Variants in MN1 observed in about 807,000 individuals in gnomAD.
MN1 encodes MN1 proto-oncogene, transcriptional regulator.
Under a neutral mutation model 86.9 loss-of-function variants are expected in MN1, and 19 were observed. That is an observed-to-expected ratio of 0.22 (90% CI 0.15 to 0.32). MN1 has a LOEUF of 0.32. Ranked by LOEUF, MN1 falls within the 10% of genes least tolerant of loss-of-function variation. MN1 has a pLI of 1.00. For synonymous variants in MN1, 928 were observed against 849.6 expected, an observed-to-expected ratio of 1.09 and a Z score of -1.60; for missense variants, 1,841 against 1,862.0, an observed-to-expected ratio of 0.99 and a Z score of 0.21.
intron 1 of MN1, among the ~76,000 whole-genome samples, chr22:27,789,492 A>G (rs1933183151): frequency 6.6e-6 from 1 of 152,226 alleles, no homozygotes; most frequent in African/African-American, 2.4e-5. Flanking sequence ...TTCTGGGCAC[A>G]TAGTTGATCC....
chr22:27,776,332 T>C (rs1932978180), intron 1 of MN1, among the ~76,000 whole-genome samples: 1 of 152,122 alleles, frequency 6.6e-6, no homozygotes, highest in African/African-American at 2.4e-5. Context: ...TGATAAGGAA[T>C]TTATCAAATG....
chr22:27,778,094 G>C (rs559601377), intron 1 of MN1, among the ~76,000 whole-genome samples: 3 of 152,162 alleles, frequency 2.0e-5, no homozygotes, highest in Admixed American at 1.3e-4. Context: ...TGATTAATGC[G>C]CTCTTAAATA....
chr22:27,756,823 A>G (rs1932804881), intron 1 of MN1, among the ~76,000 whole-genome samples: 1 of 152,134 alleles, frequency 6.6e-6, no homozygotes, highest in Non-Finnish European at 1.5e-5. Context: ...TGGCACAATC[A>G]TAGCTCACTG....
Position 27,800,837 on chromosome 22 carries a change from G to A in MN1, c.-294C>T, listed in dbSNP as rs1933424127. 4 of 515,538 alleles carry A rather than the reference G, an allele frequency of 7.8e-6. No individual in the cohort carries two copies. In the South Asian group the frequency reaches 9.1e-5, roughly 12 times the overall value. The allele number at this position is 515,538 out of a possible 1,614,324, so 31.9% of individuals were successfully genotyped here. ...CCCCGGGCGGTTGTCACAGCCGCGG[G>A]TGGGTCTGCGGGGAGGGGACGAAGC... On this transcript the variant is annotated 5_prime_UTR_variant, in exon 1 of 2. Transcript: ENST00000302326.
chr22:27,755,036 A>G (rs1276374985), intron 1 of MN1, among the ~76,000 whole-genome samples: 6 of 152,110 alleles, frequency 3.9e-5, no homozygotes, highest in African/African-American at 1.2e-4. Flanking sequence ...CTTCATCCCC[A>G]TTTGACAGAC....
At chr22:27,793,021 C>T (rs1231343164) in intron 1 of MN1, among the ~76,000 whole-genome samples, 1 of 152,142 alleles carries the variant, frequency 6.6e-6, no homozygotes, top group Non-Finnish European at 1.5e-5. Flanking sequence ...AAAAATTTCT[C>T]TGGCATCACT....
rs1229129817 is a variant in MN1 at position 27,797,949 on chromosome 22, G to T, written c.2595C>A (p.Thr865=). 1 of 1,593,542 alleles carries T rather than the reference G, an allele frequency of 6.3e-7. No homozygotes were observed. Among genetic ancestry groups the T allele is most frequent in the Non-Finnish European group, 8.6e-7 (1 of 1,169,388 alleles). Residue 865 remains threonine, a synonymous_variant, in exon 1 of 2, where the codon ACC becomes ACA. Coordinates refer to ENST00000302326, the MANE Select transcript of MN1 (RefSeq NM_002430.3). Reference sequence around the variant, plus strand: ...GGTTGCCGGCCACTGCCGCGCCGTCGGTCTCGTTCTGGCTCAGTTTCCTCT... The same window carrying T: ...GGTTGCCGGCCACTGCCGCGCCGTCTGTCTCGTTCTGGCTCAGTTTCCTCT... The part of the protein sequence containing the change: ...EGKRKLSQNE[T]DGAAVAGNPG...
At chr22:27,796,146 A>C (rs1302581995) in intron 1 of MN1, among the ~76,000 whole-genome samples, 1 of 151,848 alleles carries the variant, frequency 6.6e-6, no homozygotes, top group Non-Finnish European at 1.5e-5. Flanking sequence ...CCCGTTTTTC[A>C]ATGAAACTCT....
intron 1 of MN1, among the ~76,000 whole-genome samples, chr22:27,773,522 C>T (rs1279163018): frequency 9.2e-5 from 14 of 152,218 alleles, no homozygotes; most frequent in Non-Finnish European, 1.6e-4. Context: ...GCACTTAGTC[C>T]TCACCGCCTC....
In MN1 at chr22:27,797,880, TG is replaced by T; in HGVS notation, c.2663del (p.Pro888GlnfsTer66). On this transcript the variant is annotated frameshift_variant, in exon 1 of 2. Transcript: ENST00000302326. LOFTEE classifies it high-confidence loss of function. ...YFPGGTAPGA[P>X]GPGGPSGTSS... Reference sequence around the variant, plus strand: ...TGGTCCCGGACGGGCCTCCGGGTCCTGGGGCCCCAGGAGCAGTCCCTCCTGG... The same window carrying T: ...TGGTCCCGGACGGGCCTCCGGGTCCTGGGCCCCAGGAGCAGTCCCTCCTGG... 2.5e-6 allele frequency: 4 copies of T among 1,593,344 alleles called. No homozygotes were observed. The highest frequency in any genetic ancestry group is 1.7e-6 in the Non-Finnish European group (2 of 1,170,714).
At chr22:27,790,750 G>A (rs1026521578) in intron 1 of MN1, among the ~76,000 whole-genome samples, 8 of 152,152 alleles carry the variant, frequency 5.3e-5, no homozygotes, top group African/African-American at 1.9e-4. Flanking sequence ...GCAGGAAACT[G>A]GTGTTAGCTG....
intron 1 of MN1, among the ~76,000 whole-genome samples, chr22:27,767,207 CA>C (rs1932876367): frequency 6.6e-6 from 1 of 152,114 alleles, no homozygotes; most frequent in Non-Finnish European, 1.5e-5. Context: ...GGAACAGGAA[CA>C]AACCCTAAAG....
At chr22:27,763,765 C>A (rs976480569) in intron 1 of MN1, among the ~76,000 whole-genome samples, 1 of 152,202 alleles carries the variant, frequency 6.6e-6, no homozygotes, top group Non-Finnish European at 1.5e-5. Flanking sequence ...CAGGTTCCAC[C>A]ACCTTCCAGA....
In MN1 at chr22:27,800,397, A is replaced by G. The variant is rs768212948; in HGVS notation, c.147T>C (p.Asp49=). 46 of 1,613,854 alleles carry G rather than the reference A, an allele frequency of 2.9e-5. No homozygotes were observed. Among genetic ancestry groups the G allele is most frequent in the Non-Finnish European group, 3.8e-5 (45 of 1,179,884 alleles). ...FHTGGPPGPV[D]PAMSALGEPP... ...GTTCGCCCAGCGCGCTCATAGCAGGATCCACAGGGCCAGGGGGCCCCCCAG... is the reference window on the plus strand; with the variant it reads ...GTTCGCCCAGCGCGCTCATAGCAGGGTCCACAGGGCCAGGGGGCCCCCCAG... The change falls in exon 1 of 2, where the codon GAT becomes GAC. Residue 49 remains aspartate, a synonymous_variant. Coordinates refer to ENST00000302326, the MANE Select transcript of MN1 (RefSeq NM_002430.3).
In MN1 at chr22:27,799,751, C is replaced by A; in HGVS notation, c.793G>T (p.Val265Phe). The A allele has an allele frequency of 6.3e-7, 1 of 1,589,912 alleles. No homozygotes were observed. The highest frequency in any genetic ancestry group is 8.6e-7 in the Non-Finnish European group (1 of 1,168,256). ...QLPHYAAGRQ[V>F]PGGAFPGASA... is the part of the protein sequence containing the mutation. ...GCGCCCGGGAAAGCGCCCCCAGGAA[C>A]CTGGCGACCCGCTGCATAATGAGGC... Residue 265 changes from valine to phenylalanine, a missense_variant, in exon 1 of 2, where the codon GTT becomes TTT. Transcript: ENST00000302326.
At chr22:27,758,449 T>C (rs1400351340) in intron 1 of MN1, among the ~76,000 whole-genome samples, 1 of 152,164 alleles carries the variant, frequency 6.6e-6, no homozygotes, top group Non-Finnish European at 1.5e-5. Flanking sequence ...CCGGCTACCA[T>C]GATGGTAATG....
intron 1 of MN1, among the ~76,000 whole-genome samples, chr22:27,763,137 A>G (rs1292989498): frequency 6.6e-6 from 1 of 152,130 alleles, no homozygotes; most frequent in Non-Finnish European, 1.5e-5. Context: ...ATACATTCAC[A>G]TTTATTTGGA....
At chr22:27,782,931 G>A (rs571135016) in intron 1 of MN1, among the ~76,000 whole-genome samples, 34 of 152,210 alleles carry the variant, frequency 2.2e-4, no homozygotes, top group African/African-American at 8.2e-4. Flanking sequence ...TGGGAGCAGT[G>A]AAGTGGCTTG....
At chr22:27,763,659 G>A (rs1033642267) in intron 1 of MN1, among the ~76,000 whole-genome samples, 3 of 152,196 alleles carry the variant, frequency 2.0e-5, no homozygotes, top group East Asian at 1.9e-4. Context: ...GGGAGTCCTC[G>A]TGAGGCCACT....
Sources: gnomAD v4.1 joint callset for allele counts (sites outside exome capture counted in the v4.1 genomes callset) on GRCh38, gnomAD v4.1.1 for gene constraint, MANE v1.5 for transcripts, NCBI Gene and HGNC (gene_info 2026-07-23, HGNC 2026-07-21) for gene names.